The following ACTR3C variants were observed in gnomAD, a reference collection of about 807,000 sequenced individuals.
The protein encoded by ACTR3C is actin related protein 3C, also known as actin-related protein 3C.
A neutral mutation model predicts 26.3 loss-of-function variants in ACTR3C; 18 were observed. That is an observed-to-expected ratio of 0.68 (90% CI 0.47 to 1.01). The LOEUF (loss-of-function observed/expected upper bound fraction) is 1.01, where lower values mean the gene tolerates loss of function less well. Ranked by LOEUF, ACTR3C falls within the 50% of genes least tolerant of loss-of-function variation. The pLI, the probability that ACTR3C is intolerant of heterozygous loss-of-function variation, is 0.00. For missense variants in ACTR3C, 184 were observed against 250.7 expected, an observed-to-expected ratio of 0.73 and a Z score of 1.80; for synonymous variants, 55 against 94.5, an observed-to-expected ratio of 0.58 and a Z score of 2.42.
chr7:150,264,955 C>G (rs143439112), intron 6 of ACTR3C: 2 of 828,984 alleles, frequency 2.4e-6, no homozygotes, highest in African/African-American at 3.8e-5. Flanking sequence ...GAGTGATACC[C>G]GAACTGAACA....
chr7:150,031,305 C>T, the ACTR3C span, among the ~76,000 whole-genome samples: 6 of 151,576 alleles, frequency 4.0e-5, no homozygotes, highest in East Asian at 3.9e-4. Context: ...TGAACCTAGC[C>T]GTGGCTGATA....
the ACTR3C span, among the ~76,000 whole-genome samples, chr7:149,932,573 A>G: frequency 6.6e-6 from 1 of 152,188 alleles, no homozygotes; most frequent in East Asian, 1.9e-4. Flanking sequence ...TTTAAACAGG[A>G]TGGTGGAGAT....
chr7:150,107,705 TA>T, the ACTR3C span, among the ~76,000 whole-genome samples: 1 of 150,766 alleles, frequency 6.6e-6, no homozygotes, highest in South Asian at 2.1e-4. Context: ...AAGGAGGAGG[TA>T]GGGGGAGAGA....
the ACTR3C span, among the ~76,000 whole-genome samples, chr7:149,997,559 G>C: frequency 1.3e-5 from 2 of 152,002 alleles, no homozygotes; most frequent in African/African-American, 4.8e-5. Context: ...GGGATTATTA[G>C]GAAAGTCTTC....
the ACTR3C span, among the ~76,000 whole-genome samples, chr7:150,087,182 T>TAAAAAAAA: frequency 7.7e-6 from 1 of 129,402 alleles, no homozygotes; most frequent in Non-Finnish European, 1.6e-5. Context: ...TGAATTTGTT[T>TAAAAAAAA]AAAAAAAAAA....
At chr7:150,047,830 T>G in the ACTR3C span, 11 of 1,523,296 alleles carry the variant, frequency 7.2e-6, no homozygotes, top group Non-Finnish European at 9.7e-6. Context: ...ATCTTGCCGG[T>G]GAACCTCTGG....
chr7:149,890,047 C>G, the ACTR3C span, among the ~76,000 whole-genome samples: 1 of 152,060 alleles, frequency 6.6e-6, no homozygotes, highest in African/African-American at 2.4e-5. Context: ...TAGAGTTATT[C>G]CATATTTAAT....
At chr7:150,092,105 G>T in the ACTR3C span, among the ~76,000 whole-genome samples, 1 of 146,390 alleles carries the variant, frequency 6.8e-6, no homozygotes, top group South Asian at 2.3e-4. Context: ...CAGAGAGAAG[G>T]TTCTCAGGAT....
the ACTR3C span, among the ~76,000 whole-genome samples, chr7:150,154,888 A>G: frequency 6.6e-6 from 1 of 152,198 alleles, no homozygotes; most frequent in Non-Finnish European, 1.5e-5. Context: ...TACAAAAATG[A>G]TATTAACAAA....
At chr7:149,992,643 A>G in the ACTR3C span, among the ~76,000 whole-genome samples, 1 of 152,194 alleles carries the variant, frequency 6.6e-6, no homozygotes, top group Non-Finnish European at 1.5e-5. Flanking sequence ...GCAAGGCCAC[A>G]TGGGTTCCGT....
the ACTR3C span, among the ~76,000 whole-genome samples, chr7:150,138,021 C>G: frequency 2.1e-4 from 32 of 152,150 alleles, no homozygotes; most frequent in African/African-American, 7.0e-4. Flanking sequence ...TTTGGAGGAG[C>G]AAATACTGTG....
At chr7:150,032,892 G>A in the ACTR3C span, among the ~76,000 whole-genome samples, 1 of 152,148 alleles carries the variant, frequency 6.6e-6, no homozygotes, top group Non-Finnish European at 1.5e-5. Context: ...AATGAACCAT[G>A]AGCAAATGTC....
At chr7:150,151,104 T>C in the ACTR3C span, among the ~76,000 whole-genome samples, 1 of 112,986 alleles carries the variant, frequency 8.9e-6, no homozygotes, top group Non-Finnish European at 1.8e-5. Context: ...ATTCTAATGA[T>C]GATATTTTTG....
the ACTR3C span, among the ~76,000 whole-genome samples, chr7:150,035,652 C>CTCGCT: frequency 1.5e-5 from 2 of 136,712 alleles, 1 homozygote; most frequent in Non-Finnish European, 3.3e-5. Context: ...ACAACTAACA[C>CTCGCT]TCGCAGTCCT....
the ACTR3C span, among the ~76,000 whole-genome samples, chr7:149,970,709 C>T: frequency 2.2e-4 from 33 of 152,314 alleles, no homozygotes; most frequent in African/African-American, 7.9e-4. Context: ...ATTCTATTCA[C>T]ATATATGATT....
At chr7:149,909,775 T>C in the ACTR3C span, 4 of 368,256 alleles carry the variant, frequency 1.1e-5, no homozygotes, top group Non-Finnish European at 1.9e-5. Flanking sequence ...TAATGTCTTT[T>C]ATTATAAGCT....
rs536136959 is a variant in ACTR3C, at chr7:150,298,084, G to T, written c.-51-2737C>A. Among the ~76,000 whole-genome samples the T allele has an allele frequency of 7.9e-5, 12 of 151,322 alleles. No individual in the cohort carries two copies. In the South Asian group the frequency reaches 2.3e-3, roughly 30 times the overall value. ...GTTATAAATGTTAACACTGGAATAAGTTTAGTAACATCATTAATCAAAAGC... is the reference window on the plus strand; with the variant it reads ...GTTATAAATGTTAACACTGGAATAATTTTAGTAACATCATTAATCAAAAGC... On this transcript the variant is annotated intron_variant, in intron 1 of 7. Transcript: ENST00000683684.
intron 3 of ACTR3C, among the ~76,000 whole-genome samples, chr7:150,289,986 T>C (rs570207452): frequency 2.0e-5 from 3 of 152,328 alleles, no homozygotes; most frequent in African/African-American, 4.8e-5. Flanking sequence ...AAGCCAACTA[T>C]AAATCTACTT....
At chr7:150,105,456 G>A in the ACTR3C span, among the ~76,000 whole-genome samples, 2 of 151,934 alleles carry the variant, frequency 1.3e-5, no homozygotes, top group Admixed American at 1.3e-4. Flanking sequence ...GCTAGTGAAT[G>A]GCTGCTTTGT....
Sources: gnomAD v4.1 joint callset for allele counts (sites outside exome capture counted in the v4.1 genomes callset) on GRCh38, gnomAD v4.1.1 for gene constraint, MANE v1.5 for transcripts, NCBI Gene and HGNC (gene_info 2026-07-23, HGNC 2026-07-21) for gene names.